Variants in CD8B2 observed in about 807,000 individuals in gnomAD.
CD8B2 encodes the protein T-cell surface glycoprotein CD8 beta-2 chain.
A neutral mutation model predicts 23.7 loss-of-function variants in CD8B2; 11 were observed. That is an observed-to-expected ratio of 0.46 (90% confidence interval 0.29 to 0.77). The LOEUF (loss-of-function observed/expected upper bound fraction) is 0.77, where lower values mean the gene tolerates loss of function less well. Ranked by LOEUF, CD8B2 falls within the 30% of genes least tolerant of loss-of-function variation. CD8B2 has a pLI of 0.09. For synonymous variants in CD8B2, 90 were observed against 109.3 expected, an observed-to-expected ratio of 0.82 and a Z score of 1.10; for missense variants, 197 against 270.5, an observed-to-expected ratio of 0.73 and a Z score of 1.91.
intron 5 of CD8B2, among the ~76,000 whole-genome samples, chr2:106,530,695 C>T (rs371819644): frequency 1.3e-5 from 2 of 152,114 alleles, no homozygotes; most frequent in Non-Finnish European, 2.9e-5. Context: ...GGCTGCATTC[C>T]CAGATGGTTA....
chr2:106,517,433 G>A (rs1019163827), intron 5 of CD8B2, among the ~76,000 whole-genome samples: 2 of 151,892 alleles, frequency 1.3e-5, no homozygotes, highest in South Asian at 2.1e-4. Flanking sequence ...TACCGGCCAC[G>A]CCACTTCCAT....
downstream of CD8B2, among the ~76,000 whole-genome samples, chr2:106,512,136 C>T (rs368433622): frequency 2.0e-4 from 30 of 152,274 alleles, no homozygotes; most frequent in Middle Eastern, 3.4e-3. Flanking sequence ...AGTGCAGTGG[C>T]GCACTTATGG....
chr2:106,500,557 TAAA>T (rs1310801094), intron 3 of CD8B2, among the ~76,000 whole-genome samples: 22 of 142,264 alleles, frequency 1.5e-4, no homozygotes, highest in African/African-American at 5.5e-4. Context: ...AATAAATAAA[TAAA>T]TAATTAAAAA....
At chr2:106,544,217 G>A (rs1680218263) in exon 6 of CD8B2, 2 of 396,702 alleles carry the variant, frequency 5.0e-6, no homozygotes, top group Non-Finnish European at 8.9e-6. Flanking sequence ...TTACCAACAA[G>A]TTTTTAGTTA....
At chr2:106,498,697 C>G (rs1173676981) in intron 3 of CD8B2, among the ~76,000 whole-genome samples, 1 of 152,102 alleles carries the variant, frequency 6.6e-6, no homozygotes, top group Non-Finnish European at 1.5e-5. Context: ...CTATGAGACA[C>G]TGAATAGGTG....
rs904499866 is a variant in CD8B2 at position 106,507,198 on chromosome 2, G to T, written c.*258G>T. Reference sequence around the variant, plus strand: ...CAGAGTGTGCTGGAGGACTGAGTAAGAAATGCTGCCCATGCCACCGCTTCC... The same window carrying T: ...CAGAGTGTGCTGGAGGACTGAGTAATAAATGCTGCCCATGCCACCGCTTCC... On this transcript the variant is annotated 3_prime_UTR_variant, in exon 6 of 6. Transcript: ENST00000643224. 7 of 1,291,538 alleles carry T rather than the reference G, an allele frequency of 5.4e-6. No individual in the cohort carries two copies. The highest frequency in any genetic ancestry group is 6.9e-6 in the Non-Finnish European group (7 of 1,015,422). 80.0% of individuals were successfully genotyped at this position (1,291,538 alleles called of 1,614,324 possible). A position where few individuals can be genotyped will look rare whatever the true frequency, so the allele number is the denominator to read the frequency against.
chr2:106,494,536 C>T (rs1179329869), intron 2 of CD8B2, among the ~76,000 whole-genome samples: 1 of 151,974 alleles, frequency 6.6e-6, no homozygotes, highest in Admixed American at 6.6e-5. Context: ...ACTCCCTCTC[C>T]TTCCATTTTG....
At chr2:106,514,751 T>TG (rs1679700609), downstream of CD8B2, among the ~76,000 whole-genome samples, 2 of 12,912 alleles carry the variant, frequency 1.5e-4, no homozygotes, top group Non-Finnish European at 2.2e-4. Flanking sequence ...AGTTAAGACT[T>TG]TTGTGTGTGT....
intron 4 of CD8B2, among the ~76,000 whole-genome samples, chr2:106,502,771 G>T (rs1158917042): frequency 6.6e-6 from 1 of 152,028 alleles, no homozygotes; most frequent in Non-Finnish European, 1.5e-5. Flanking sequence ...AGGCAAACCT[G>T]GGTTTGAGTG....
Position 106,533,450 on chromosome 2 carries a change from C to T in CD8B2, c.621-10542C>T, listed in dbSNP as rs182539119. ...TCCCTTTTGTAAACGTTGGTGATGA[C>T]GAGGAAAGAGTTGAACTGTGAAATC... On this transcript the variant is annotated intron_variant, in intron 5 of 5. Coordinates refer to the CD8B2 transcript ENST00000416057. Among the ~76,000 whole-genome samples, 38 of 152,178 alleles carry T rather than the reference C, an allele frequency of 2.5e-4. No individual in the cohort carries two copies. In the East Asian group the frequency reaches 4.4e-3, roughly 18 times the overall value.
chr2:106,540,728 C>T lies in CD8B2; in HGVS notation c.621-3264C>T, dbSNP rs566750948. ...TACAGGCGCCTACCACCACGCCAGG[C>T]TAATTTTTCTATTTTTTGTAGAGAT... On this transcript the variant is annotated intron_variant, in intron 5 of 5. Transcript: ENST00000416057. Among the ~76,000 whole-genome samples, 213 of 152,184 alleles carry T rather than the reference C, an allele frequency of 1.4e-3. 1 individual carries two copies. Among genetic ancestry groups the T allele is most frequent in the African/African-American group, 5.1e-3 (210 of 41,528 alleles).
chr2:106,501,321 T>C lies in CD8B2; in HGVS notation c.494-1153T>C, dbSNP rs140146771. Among the ~76,000 whole-genome samples the C allele has an allele frequency of 1.3e-3, 202 of 151,976 alleles. 6 individuals carry two copies. The highest frequency in any genetic ancestry group is 4.8e-3 in the African/African-American group (197 of 41,272). The stretch of plus-strand genomic sequence containing the variant: ...GACTAAGTGAAGGAAAAAAGGTGCA[T>C]TGAAAAAATAAAGGTACAAAAGAAC... On this transcript the variant is annotated intron_variant, in intron 3 of 5. Coordinates refer to ENST00000643224, the MANE Select transcript of CD8B2 (RefSeq NM_001349727.2).
rs1679617507 is a variant in CD8B2, at chr2:106,510,795, A to T, written c.*3855A>T. ...TTTCTTCCCATATTTTTTAAAACAT[A>T]AAATTGAAATCTCGAGAATATAATA... On this transcript the variant is annotated 3_prime_UTR_variant, in exon 6 of 6. Transcript: ENST00000643224. 6.6e-6 allele frequency: 1 copy of T among 152,184 alleles called. No individual in the cohort carries two copies. Among genetic ancestry groups the T allele is most frequent in the Non-Finnish European group, 1.5e-5 (1 of 68,038 alleles). 9.4% of individuals were successfully genotyped at this position (152,184 alleles called of 1,614,324 possible). A position where few individuals can be genotyped will look rare whatever the true frequency, so the allele number is the denominator to read the frequency against.
intron 3 of CD8B2, among the ~76,000 whole-genome samples, chr2:106,499,235 T>C (rs1269130103): frequency 6.6e-6 from 1 of 151,940 alleles, no homozygotes; most frequent in Non-Finnish European, 1.5e-5. Context: ...CATTACAGTT[T>C]TTAAAAACTT....
At chr2:106,512,566 G>C (rs1679653561), downstream of CD8B2, among the ~76,000 whole-genome samples, 1 of 152,054 alleles carries the variant, frequency 6.6e-6, no homozygotes, top group Admixed American at 6.6e-5. Context: ...CCTGACTCAA[G>C]CAAGTAGCTG....
chr2:106,495,837 C>T (rs1340315686), intron 2 of CD8B2, among the ~76,000 whole-genome samples: 6 of 152,204 alleles, frequency 3.9e-5, no homozygotes, highest in East Asian at 1.9e-4. Flanking sequence ...CTTGCTCTGT[C>T]GCCCAAGCCA....
At chr2:106,514,359 C>T (rs1338342896), downstream of CD8B2, among the ~76,000 whole-genome samples, 1 of 149,446 alleles carries the variant, frequency 6.7e-6, no homozygotes. Flanking sequence ...ACGATCTCAG[C>T]TCACTGCAAC....
At chr2:106,526,260 AT>A (rs1679905152) in intron 5 of CD8B2, among the ~76,000 whole-genome samples, 1 of 149,494 alleles carries the variant, frequency 6.7e-6, no homozygotes, top group African/African-American at 2.5e-5. Flanking sequence ...AAAAAAAAAA[AT>A]CACTTTATGA....
downstream of CD8B2, among the ~76,000 whole-genome samples, chr2:106,513,804 C>T (rs1409209226): frequency 6.6e-6 from 1 of 152,138 alleles, no homozygotes; most frequent in African/African-American, 2.4e-5. Flanking sequence ...AAAAGGTGGG[C>T]CTACCTTCGG....
Sources: allele counts gnomAD v4.1 joint callset (sites outside exome capture counted in the v4.1 genomes callset), GRCh38; gene constraint gnomAD v4.1.1; transcripts MANE v1.5; gene names NCBI Gene and HGNC (gene_info 2026-07-23, HGNC 2026-07-21).